Variants in THSD7A observed in about 807,000 individuals in gnomAD.
THSD7A encodes the protein thrombospondin type-1 domain-containing protein 7A.
Under a neutral mutation model 231.3 loss-of-function variants are expected in THSD7A, and 96 were observed. That is an observed-to-expected ratio of 0.41 (90% CI 0.35 to 0.49). THSD7A has a LOEUF of 0.49. THSD7A is among the 20% of genes least tolerant of loss of function. The pLI is 0.05. For missense variants in THSD7A, 2,290 were observed against 2,070.2 expected (o/e 1.11, Z -2.06); for synonymous variants, 940 against 743.3 (o/e 1.26, Z -4.30).
intron 1 of THSD7A, among the ~76,000 whole-genome samples, chr7:11,737,818 G>C (rs953074880): frequency 1.3e-5 from 2 of 152,006 alleles, no homozygotes; most frequent in Admixed American, 1.3e-4. Context: ...AAGTTCTATA[G>C]AGTAGAAAAT....
intron 2 of THSD7A, among the ~76,000 whole-genome samples, chr7:11,607,978 A>G (rs1780790383): frequency 6.6e-6 from 1 of 152,126 alleles, no homozygotes; most frequent in Non-Finnish European, 1.5e-5. Context: ...ATAAACTGCT[A>G]CGGTAATGAG....
intron 17 of THSD7A, among the ~76,000 whole-genome samples, chr7:11,414,460 A>G (rs1406122207): frequency 6.6e-6 from 1 of 152,154 alleles, no homozygotes; most frequent in Non-Finnish European, 1.5e-5. Flanking sequence ...CTCAACACAA[A>G]TTAGTTACTG....
At position 11,417,520 on chromosome 7, in the gene THSD7A, C is replaced by G. The variant is rs751745766; in HGVS notation, c.3467G>C (p.Arg1156Thr). Residue 1156 changes from arginine to threonine, a missense_variant, in exon 17 of 28, where the codon AGA (arginine) becomes ACA (threonine). Physicochemically the swap from Arg to Thr is moderately conservative, Grantham distance 71 (BLOSUM62 -1). Transcript: ENST00000423059. ...CTCAGGGCATGGTAATTTGCACACT[C>G]TAGAGCCCAGGGGCATCTCTTCTGG... ...CDPEEMPLGSRVCKLPCPEDC... is the reference protein window; with the variant it reads ...CDPEEMPLGSTVCKLPCPEDC... 1 of 1,613,844 alleles carries G rather than the reference C, an allele frequency of 6.2e-7. No homozygotes were observed. The highest frequency in any genetic ancestry group is 8.5e-7 in the Non-Finnish European group (1 of 1,179,806).
At chr7:11,499,358 T>G (rs926154705) in intron 6 of THSD7A, among the ~76,000 whole-genome samples, 1 of 152,170 alleles carries the variant, frequency 6.6e-6, no homozygotes, top group Admixed American at 6.5e-5. Context: ...CCACAACCAC[T>G]AATAAGATGT....
At chr7:11,575,061 T>A (rs1277445868) in intron 4 of THSD7A, among the ~76,000 whole-genome samples, 5 of 152,186 alleles carry the variant, frequency 3.3e-5, no homozygotes, top group African/African-American at 1.2e-4. Context: ...ATAATAGTGC[T>A]TACCTCATAG....
At position 11,406,489 on chromosome 7, in the gene THSD7A, G is replaced by GA. The variant is rs774586497; in HGVS notation, c.4063-16dup. ...CACTGGGCCTCCTGGAATGGAGGAA[G>GA]AAATAACTAATTAGAAAAAGAGAAA... On this transcript the variant is annotated splice_polypyrimidine_tract_variant and intron_variant, in intron 21 of 27. Transcript: ENST00000423059. This position sits in a 1 kb window ranked among gnomAD's most constrained non-coding sequence, Gnocchi z 4.7. 1.8e-5 allele frequency: 28 copies of GA among 1,595,276 alleles called. No individual in the cohort carries two copies. The highest frequency in any genetic ancestry group is 2.2e-5 in the Non-Finnish European group (26 of 1,172,692).
At chr7:11,615,422 C>T (rs1451854485) in intron 2 of THSD7A, among the ~76,000 whole-genome samples, 1 of 152,200 alleles carries the variant, frequency 6.6e-6, no homozygotes, top group Non-Finnish European at 1.5e-5. Flanking sequence ...GTGGCATCCA[C>T]ACTTGTTTCC....
intron 1 of THSD7A, among the ~76,000 whole-genome samples, chr7:11,719,533 C>T (rs757288491): frequency 2.0e-5 from 3 of 151,658 alleles, no homozygotes; most frequent in South Asian, 2.1e-4. Context: ...GATATCCTGT[C>T]ATTATCTAAG....
intron 4 of THSD7A, among the ~76,000 whole-genome samples, chr7:11,561,592 C>T: frequency 6.6e-6 from 1 of 152,090 alleles, no homozygotes; most frequent in African/African-American, 2.4e-5. Context: ...AAACTGAGGC[C>T]AGGTGTGTTG....
chr7:11,465,416 T>C (rs376416922), intron 9 of THSD7A, among the ~76,000 whole-genome samples: 1 of 152,134 alleles, frequency 6.6e-6, no homozygotes, highest in African/African-American at 2.4e-5. Context: ...AAACAGATCG[T>C]ACATCTAGCA....
intron 13 of THSD7A, among the ~76,000 whole-genome samples, chr7:11,432,784 G>A (rs1214904560): frequency 1.3e-5 from 2 of 151,962 alleles, no homozygotes; most frequent in East Asian, 1.9e-4. Context: ...ATTCTAGAAT[G>A]TGTCTTTTGA....
chr7:11,670,207 A>G (rs1369769644), intron 1 of THSD7A, among the ~76,000 whole-genome samples: 1 of 152,190 alleles, frequency 6.6e-6, no homozygotes, highest in Non-Finnish European at 1.5e-5. Context: ...AGAGTGGGAT[A>G]TAAGATTGGA....
chr7:11,421,361 G>T (rs939234867), intron 16 of THSD7A, among the ~76,000 whole-genome samples: 6 of 152,046 alleles, frequency 3.9e-5, no homozygotes, highest in African/African-American at 2.4e-5. Context: ...TCTCTCTCCT[G>T]CTGCCATGTG....
At chr7:11,788,947 A>G (rs1332334896) in intron 1 of THSD7A, among the ~76,000 whole-genome samples, 1 of 151,960 alleles carries the variant, frequency 6.6e-6, no homozygotes, top group Non-Finnish European at 1.5e-5. Flanking sequence ...GGAAACAAGC[A>G]GTTACATAAA....
At chr7:11,739,352 A>T (rs1275280854) in intron 1 of THSD7A, among the ~76,000 whole-genome samples, 1 of 152,008 alleles carries the variant, frequency 6.6e-6, no homozygotes, top group African/African-American at 2.4e-5. Context: ...CTATGCATGG[A>T]ATAACACTTA....
intron 1 of THSD7A, among the ~76,000 whole-genome samples, chr7:11,745,522 G>A (rs1200981805): frequency 1.3e-5 from 2 of 152,008 alleles, no homozygotes; most frequent in Non-Finnish European, 2.9e-5. Flanking sequence ...CCTTGCCCAT[G>A]CCTATTTCCT....
In THSD7A at chr7:11,612,264, C is replaced by T. The variant is rs117124037; in HGVS notation, c.1023-18762G>A. Among the ~76,000 whole-genome samples the T allele has an allele frequency of 6.7e-3, 1,026 of 152,230 alleles. 5 individuals are homozygous for T. Among genetic ancestry groups the T allele is most frequent in the Admixed American group, 0.015 (236 of 15,282 alleles). On this transcript the variant is annotated intron_variant, in intron 2 of 27. Coordinates refer to ENST00000423059, the MANE Select transcript of THSD7A (RefSeq NM_015204.3). The stretch of plus-strand genomic sequence containing the variant: ...CAGGCATCCCAGGGCACAGCAAGCT[C>T]GACTGACACCACCACCACCAAAGTA...
intron 4 of THSD7A, among the ~76,000 whole-genome samples, chr7:11,569,416 C>G (rs1790526844): frequency 6.6e-6 from 1 of 151,946 alleles, no homozygotes; most frequent in South Asian, 2.1e-4. Context: ...CCAACAGATA[C>G]ATGAAAAAAA....
intron 6 of THSD7A, among the ~76,000 whole-genome samples, chr7:11,519,219 G>T (rs1457122943): frequency 1.3e-5 from 2 of 152,152 alleles, no homozygotes; most frequent in African/African-American, 4.8e-5. Flanking sequence ...TCGCTTTGCA[G>T]ATCACAAAAG....
Sources: gnomAD v4.1 joint callset for allele counts (sites outside exome capture counted in the v4.1 genomes callset) on GRCh38, gnomAD v4.1.1 for gene constraint, Gnocchi (gnomAD v3.1) non-coding constraint, MANE v1.5 for transcripts, NCBI Gene and HGNC (gene_info 2026-07-23, HGNC 2026-07-21) for gene names.